The following SLC2A9 variants were observed in gnomAD, a reference collection of about 807,000 sequenced individuals.
The protein encoded by SLC2A9 is solute carrier family 2 member 9, also known as solute carrier family 2, facilitated glucose transporter member 9.
Under a neutral mutation model 50.6 loss-of-function variants are expected in SLC2A9, and 39 were observed. The ratio of observed to expected loss-of-function variants is 0.77; its 90% CI spans 0.60 to 1.01. The LOEUF (loss-of-function observed/expected upper bound fraction) is 1.01, where lower values mean the gene tolerates loss of function less well. Ranked by LOEUF, SLC2A9 falls within the 50% of genes least tolerant of loss-of-function variation. The pLI is 0.00. For synonymous variants in SLC2A9, 324 were observed against 276.9 expected, an observed-to-expected ratio of 1.17 and a Z score of -1.69; for missense variants, 686 against 677.6, an observed-to-expected ratio of 1.01 and a Z score of -0.14.
intron 6 of SLC2A9, among the ~76,000 whole-genome samples, chr4:9,920,898 G>A (rs1743816465): frequency 6.6e-6 from 1 of 152,220 alleles, no homozygotes; most frequent in South Asian, 2.1e-4. Flanking sequence ...TTGTGTCCCT[G>A]TTCATCTTTT....
intron 10 of SLC2A9, among the ~76,000 whole-genome samples, chr4:9,857,090 T>G (rs1054670847): frequency 2.6e-5 from 4 of 152,124 alleles, no homozygotes; most frequent in Admixed American, 6.5e-5. Flanking sequence ...AACCTGCACA[T>G]GTACCCCTGA....
chr4:9,909,930 C>G (rs1288357408), intron 7 of SLC2A9, among the ~76,000 whole-genome samples: 1 of 152,184 alleles, frequency 6.6e-6, no homozygotes, highest in Non-Finnish European at 1.5e-5. Context: ...GCATTTTGCT[C>G]TTTGTTTCTG....
intron 5 of SLC2A9, among the ~76,000 whole-genome samples, chr4:9,956,457 A>G (rs34297373): frequency 0.48 from 73,293 of 151,732 alleles, 19,045 homozygotes; most frequent in African/African-American, 0.67. Flanking sequence ...TCCAGCCTGG[A>G]CAACAGAGCA....
rs1578195507 is a variant in SLC2A9 at position 9,985,810 on chromosome 4, G to A, written c.411-17C>T. On this transcript the variant is annotated splice_polypyrimidine_tract_variant and intron_variant, in intron 3 of 11. Coordinates refer to ENST00000264784, the MANE Select transcript of SLC2A9 (RefSeq NM_020041.3). ...GTGTGCTTCCTGGAAAGAAAGGAAA[G>A]ATTTGATGAAGATGTCTAACCATGA... is the stretch of plus-strand genomic sequence containing the variant. 1 of 1,613,978 alleles carries A rather than the reference G, an allele frequency of 6.2e-7. No homozygotes were observed. The highest frequency in any genetic ancestry group is 2.2e-5 in the East Asian group (1 of 44,886).
chr4:9,898,593 G>A (rs1353413989), intron 8 of SLC2A9, among the ~76,000 whole-genome samples: 1 of 152,232 alleles, frequency 6.6e-6, no homozygotes, highest in Admixed American at 6.5e-5. Context: ...GTGCCAGGGT[G>A]AGCCTTTTGG....
chr4:9,795,015 T>TTTTC (rs1161793038), downstream of SLC2A9, among the ~76,000 whole-genome samples: 15 of 145,018 alleles, frequency 1.0e-4, no homozygotes, highest in African/African-American at 3.8e-4. Flanking sequence ...TCCTTTTTTT[T>TTTTC]TTTTTTTTTT....
intron 10 of SLC2A9, among the ~76,000 whole-genome samples, chr4:9,856,863 A>C (rs1266685110): frequency 6.6e-6 from 1 of 152,222 alleles, no homozygotes; most frequent in Non-Finnish European, 1.5e-5. Flanking sequence ...TAATATAGAA[A>C]CAGAAAACCA....
At chr4:9,848,721 A>G (rs1729394535) in intron 10 of SLC2A9, among the ~76,000 whole-genome samples, 2 of 136,918 alleles carry the variant, frequency 1.5e-5, no homozygotes, top group African/African-American at 5.7e-5. Flanking sequence ...TTTTTTGGAG[A>G]CCGAGTCTCA....
upstream of SLC2A9, chr4:10,025,697 T>G (rs1171606531): frequency 3.5e-6 from 2 of 578,134 alleles, no homozygotes; most frequent in Non-Finnish European, 6.2e-6. Flanking sequence ...AGATCAGGAC[T>G]GTCAATTTCA....
intron 7 of SLC2A9, among the ~76,000 whole-genome samples, chr4:9,913,686 G>A (rs918855775): frequency 2.0e-5 from 3 of 152,172 alleles, no homozygotes; most frequent in African/African-American, 7.2e-5. Context: ...TCTGCCTCCT[G>A]CAGGAAGCTG....
chr4:9,828,552 T>G (rs1415931847), intron 11 of SLC2A9, among the ~76,000 whole-genome samples: 3 of 152,198 alleles, frequency 2.0e-5, no homozygotes, highest in Admixed American at 2.0e-4. Context: ...CTCCTCACTT[T>G]CTTTGCCCCA....
intron 10 of SLC2A9, among the ~76,000 whole-genome samples, chr4:9,856,340 C>T (rs1391882439): frequency 9.2e-5 from 14 of 152,012 alleles, no homozygotes; most frequent in South Asian, 4.1e-4. Flanking sequence ...AAGACATACA[C>T]GCAACCAACA....
intron 11 of SLC2A9, among the ~76,000 whole-genome samples, chr4:9,832,527 G>A (rs917976044): frequency 2.6e-5 from 4 of 152,104 alleles, no homozygotes; most frequent in Non-Finnish European, 2.9e-5. Flanking sequence ...AATGTTTCCC[G>A]AATGACCCCT....
intron 4 of SLC2A9, among the ~76,000 whole-genome samples, chr4:9,981,245 T>G (rs552184866): frequency 1.4e-5 from 2 of 141,244 alleles, no homozygotes; most frequent in Non-Finnish European, 3.1e-5. Context: ...TGATGATGGT[T>G]GTGGCAATGA....
chr4:10,013,004 C>A (rs1762022194), intron 2 of SLC2A9, among the ~76,000 whole-genome samples: 1 of 152,080 alleles, frequency 6.6e-6, no homozygotes, highest in Admixed American at 6.6e-5. Context: ...CTGTAGGAAC[C>A]AGAGTGGAAA....
At chr4:10,038,505 T>TAA (rs1442655033) in intron 1 of SLC2A9, among the ~76,000 whole-genome samples, 1 of 27,270 alleles carries the variant, frequency 3.7e-5, no homozygotes, top group Non-Finnish European at 7.6e-5. Flanking sequence ...AGACTCTGTC[T>TAA]CAAAAAAAAA....
intron 10 of SLC2A9, chr4:9,880,225 C>T (rs1372628614): frequency 4.1e-6 from 4 of 985,482 alleles, no homozygotes; most frequent in Non-Finnish European, 4.8e-6. Context: ...AAACTGTACA[C>T]TCTCAATGTG....
chr4:9,932,429 T>C (rs1311606189), intron 6 of SLC2A9, among the ~76,000 whole-genome samples: 1 of 152,096 alleles, frequency 6.6e-6, no homozygotes, highest in African/African-American at 2.4e-5. Context: ...TTCATTCTCA[T>C]GGAGGGGAGT....
chr4:9,968,539 T>C (rs1280137825), intron 5 of SLC2A9, among the ~76,000 whole-genome samples: 4 of 152,208 alleles, frequency 2.6e-5, no homozygotes, highest in African/African-American at 9.6e-5. Context: ...GTACTTAGCT[T>C]TTCTTCATGT....
Sources: gnomAD v4.1 joint callset for allele counts (sites outside exome capture counted in the v4.1 genomes callset) on GRCh38, gnomAD v4.1.1 for gene constraint, MANE v1.5 for transcripts, NCBI Gene and HGNC (gene_info 2026-07-23, HGNC 2026-07-21) for gene names.